Variants in SPMIP4 observed in about 807,000 individuals in gnomAD.
SPMIP4 encodes sperm-associated microtubule inner protein 4.
chr7:25,141,411 C>G, the SPMIP4 span, among the ~76,000 whole-genome samples: 2 of 151,702 alleles, frequency 1.3e-5, no homozygotes, highest in African/African-American at 4.8e-5. Flanking sequence ...GTCTCTACTA[C>G]AAATACAAAA....
chr7:25,158,244 TG>T, the SPMIP4 span, among the ~76,000 whole-genome samples: 606 of 151,912 alleles, frequency 4.0e-3, 7 homozygotes, highest in African/African-American at 0.014. Flanking sequence ...GGTGCACACC[TG>T]TAGTCCCAGC....
At chr7:25,129,968 T>G in the SPMIP4 span, among the ~76,000 whole-genome samples, 1 of 151,998 alleles carries the variant, frequency 6.6e-6, no homozygotes, top group Non-Finnish European at 1.5e-5. Flanking sequence ...CTGGGTGTGG[T>G]GGCTCATGCC....
the SPMIP4 span, among the ~76,000 whole-genome samples, chr7:25,171,787 C>A: frequency 5.9e-5 from 9 of 151,722 alleles, no homozygotes; most frequent in African/African-American, 2.2e-4. Context: ...TAAAGGAGAC[C>A]ATCTACACAA....
the SPMIP4 span, chr7:25,125,794 A>G: frequency 4.2e-6 from 2 of 472,200 alleles, no homozygotes; most frequent in African/African-American, 4.2e-5. Context: ...GCTGGCGCCA[A>G]CAGCATCCTA....
chr7:25,173,410 A>G, the SPMIP4 span, among the ~76,000 whole-genome samples: 4 of 152,380 alleles, frequency 2.6e-5, no homozygotes, highest in East Asian at 7.7e-4. This position sits in a 1 kb window ranked among gnomAD's most constrained non-coding sequence, Gnocchi z 4.4. Context: ...TTTATGGACT[A>G]TATACATACG....
At chr7:25,161,326 T>C in the SPMIP4 span, 1 of 840,616 alleles carries the variant, frequency 1.2e-6, no homozygotes, top group Non-Finnish European at 1.8e-6. Flanking sequence ...GGTGAGATAG[T>C]AAAAGACAAA....
chr7:25,146,196 G>C, the SPMIP4 span, among the ~76,000 whole-genome samples: 3 of 152,202 alleles, frequency 2.0e-5, no homozygotes, highest in Admixed American at 1.3e-4. Context: ...GACTGGCAGA[G>C]AGAATTATTT....
the SPMIP4 span, among the ~76,000 whole-genome samples, chr7:25,165,813 GA>G: frequency 3.3e-5 from 5 of 152,216 alleles, no homozygotes; most frequent in Admixed American, 2.0e-4. Context: ...GTATTGAATA[GA>G]AAAGCATGCT....
the SPMIP4 span, among the ~76,000 whole-genome samples, chr7:25,170,344 G>A: frequency 6.6e-6 from 1 of 152,116 alleles, no homozygotes; most frequent in African/African-American, 2.4e-5. Flanking sequence ...TATCTTTATT[G>A]GAGAAATATC....
chr7:25,132,471 ATT>A, the SPMIP4 span, among the ~76,000 whole-genome samples: 2 of 152,200 alleles, frequency 1.3e-5, no homozygotes, highest in African/African-American at 4.8e-5. The surrounding 1 kb of genome is among the most constrained non-coding windows in gnomAD (Gnocchi z 5.0). Flanking sequence ...TGCCTGATAC[ATT>A]TGTTAAAAGT....
chr7:25,143,224 G>A, the SPMIP4 span, among the ~76,000 whole-genome samples: 1 of 152,142 alleles, frequency 6.6e-6, no homozygotes, highest in Admixed American at 6.5e-5. Flanking sequence ...TGTCTTTTAT[G>A]AATTTCCAAT....
the SPMIP4 span, chr7:25,168,520 T>C: frequency 2.0e-5 from 28 of 1,406,782 alleles, no homozygotes; most frequent in South Asian, 2.3e-4. Context: ...ATGCATAAAA[T>C]TGCATAACAG....
the SPMIP4 span, among the ~76,000 whole-genome samples, chr7:25,167,124 G>A: frequency 6.6e-6 from 1 of 152,086 alleles, no homozygotes; most frequent in African/African-American, 2.4e-5. Flanking sequence ...TTTTGGGAGG[G>A]CAGTAGCTGT....
chr7:25,151,317 G>C, the SPMIP4 span, among the ~76,000 whole-genome samples: 448 of 151,248 alleles, frequency 3.0e-3, 1 homozygote, highest in African/African-American at 0.01. Flanking sequence ...CACCTCCCAG[G>C]TTCAAGCGAT....
chr7:25,176,753 T>G, the SPMIP4 span, among the ~76,000 whole-genome samples: 1 of 152,230 alleles, frequency 6.6e-6, no homozygotes, highest in Non-Finnish European at 1.5e-5. This position sits in a 1 kb window ranked among gnomAD's most constrained non-coding sequence, Gnocchi z 4.4. Context: ...AGAATTTGTT[T>G]TCCTTACAAA....
chr7:25,142,985 ATAGAGT>A, the SPMIP4 span, among the ~76,000 whole-genome samples: 2 of 152,166 alleles, frequency 1.3e-5, no homozygotes, highest in Non-Finnish European at 2.9e-5. Flanking sequence ...GGAACCATAT[ATAGAGT>A]TAAACACAAT....
the SPMIP4 span, among the ~76,000 whole-genome samples, chr7:25,130,228 A>T: frequency 4.0e-5 from 6 of 150,854 alleles, no homozygotes; most frequent in Admixed American, 3.9e-4. Context: ...TGGGCGACAG[A>T]GAAAGACTCC....
the SPMIP4 span, chr7:25,126,110 A>C: frequency 1.1e-5 from 2 of 183,408 alleles, no homozygotes; most frequent in African/African-American, 4.8e-5. Flanking sequence ...CATACAATGT[A>C]TAATAATCAC....
the SPMIP4 span, among the ~76,000 whole-genome samples, chr7:25,137,791 T>C: frequency 6.6e-6 from 1 of 152,186 alleles, no homozygotes. Flanking sequence ...AATGACCCTA[T>C]TTCCAAATAA....
Sources: allele counts gnomAD v4.1 joint callset (sites outside exome capture counted in the v4.1 genomes callset), GRCh38; gene constraint gnomAD v4.1.1; non-coding constraint Gnocchi (gnomAD v3.1); transcripts MANE v1.5; gene names NCBI Gene and HGNC (gene_info 2026-07-23, HGNC 2026-07-21).